Variants in CADM2 observed in about 807,000 individuals in gnomAD.
The protein encoded by CADM2 is cell adhesion molecule 2.
A neutral mutation model predicts 49.8 loss-of-function variants in CADM2; 12 were observed. The ratio of observed to expected loss-of-function variants is 0.24; its 90% CI spans 0.15 to 0.39. The LOEUF (loss-of-function observed/expected upper bound fraction) is 0.39. Ranked by LOEUF, CADM2 falls within the 10% of genes least tolerant of loss-of-function variation. The probability of loss-of-function intolerance (pLI) is 1.00; values close to 1 mark genes in which losing one functional copy is unlikely to be tolerated. For missense variants in CADM2, 378 were observed against 492.3 expected, an observed-to-expected ratio of 0.77 and a Z score of 2.20; for synonymous variants, 214 against 175.4, an observed-to-expected ratio of 1.22 and a Z score of -1.74.
chr3:84,971,954 G>C (rs1288371409), intron 1 of CADM2, among the ~76,000 whole-genome samples: 3 of 152,082 alleles, frequency 2.0e-5, no homozygotes, highest in African/African-American at 7.2e-5. Flanking sequence ...TGTGGAAGTG[G>C]TAGTGAGATT....
chr3:85,656,254 A>C (rs1016127682), intron 1 of CADM2, among the ~76,000 whole-genome samples: 2 of 152,134 alleles, frequency 1.3e-5, no homozygotes, highest in Non-Finnish European at 2.9e-5. Flanking sequence ...AAGTTGAATA[A>C]ATAAAATTCT....
At chr3:85,835,037 C>T (rs544215243) in intron 3 of CADM2, among the ~76,000 whole-genome samples, 368 of 151,656 alleles carry the variant, frequency 2.4e-3, no homozygotes, top group Non-Finnish European at 3.9e-3. Flanking sequence ...AGAAGTATGA[C>T]GGTCTCTTGA....
chr3:85,798,632 C>A (rs1423563749), intron 2 of CADM2, among the ~76,000 whole-genome samples: 1 of 152,130 alleles, frequency 6.6e-6, no homozygotes, highest in Non-Finnish European at 1.5e-5. Flanking sequence ...CTCTATATTT[C>A]TGTTTTGGTG....
chr3:85,520,854 G>A (rs1186560217), intron 1 of CADM2, among the ~76,000 whole-genome samples: 2 of 151,990 alleles, frequency 1.3e-5, no homozygotes, highest in Non-Finnish European at 2.9e-5. Flanking sequence ...GGGGTGGATT[G>A]TATTGTTTTT....
At chr3:85,425,012 A>AT (rs768630240) in intron 1 of CADM2, among the ~76,000 whole-genome samples, 1 of 152,228 alleles carries the variant, frequency 6.6e-6, no homozygotes, top group Non-Finnish European at 1.5e-5. Flanking sequence ...AAGTGCTGTA[A>AT]TAAAAAACTT....
intron 2 of CADM2, among the ~76,000 whole-genome samples, chr3:85,739,335 T>C (rs2068282613): frequency 6.6e-6 from 1 of 152,242 alleles, no homozygotes; most frequent in East Asian, 1.9e-4. Flanking sequence ...AAGTTTTAGA[T>C]GTCAATTATC....
intron 1 of CADM2, among the ~76,000 whole-genome samples, chr3:85,599,209 C>A (rs1444029869): frequency 2.0e-5 from 3 of 151,926 alleles, no homozygotes; most frequent in Admixed American, 1.3e-4. Flanking sequence ...ACCCTTTGAT[C>A]GATACCTTTT....
chr3:85,932,213 C>T (rs1720690079), intron 6 of CADM2, among the ~76,000 whole-genome samples: 1 of 151,944 alleles, frequency 6.6e-6, no homozygotes, highest in East Asian at 1.9e-4. Context: ...AACAAAGAAA[C>T]GAGGTATCGG....
intron 7 of CADM2, among the ~76,000 whole-genome samples, chr3:85,948,930 G>T (rs1461122647): frequency 2.0e-5 from 3 of 151,376 alleles, no homozygotes; most frequent in Non-Finnish European, 3.0e-5. Context: ...TATAAAGACG[G>T]ATAATAGAGC....
intron 1 of CADM2, among the ~76,000 whole-genome samples, chr3:85,536,459 T>A (rs908552809): frequency 1.9e-5 from 2 of 104,530 alleles, no homozygotes; most frequent in African/African-American, 2.5e-5. Context: ...AAATATAGTA[T>A]TGTTTTTTTC....
At chr3:85,159,274 G>A (rs1381846812) in intron 1 of CADM2, among the ~76,000 whole-genome samples, 2 of 149,730 alleles carry the variant, frequency 1.3e-5, no homozygotes. Context: ...AAACCACAGG[G>A]GTTGCAGGAG....
intron 2 of CADM2, among the ~76,000 whole-genome samples, chr3:85,773,512 T>C (rs180767540): frequency 1.1e-3 from 163 of 152,194 alleles, no homozygotes; most frequent in Admixed American, 2.4e-3. Flanking sequence ...ATAAAAAGTC[T>C]TTCACTTATT....
chr3:85,011,024 T>C (rs932565498), intron 1 of CADM2, among the ~76,000 whole-genome samples: 42 of 151,588 alleles, frequency 2.8e-4, no homozygotes, highest in African/African-American at 8.5e-4. Flanking sequence ...CCACCACGCC[T>C]GGCTAATTTT....
intron 2 of CADM2, among the ~76,000 whole-genome samples, chr3:85,776,470 A>G (rs1383512408): frequency 6.6e-6 from 1 of 151,976 alleles, no homozygotes; most frequent in Non-Finnish European, 1.5e-5. Flanking sequence ...AAAAACCCAT[A>G]CCTGTCATGT....
At chr3:85,534,169 G>C (rs964859066) in intron 1 of CADM2, among the ~76,000 whole-genome samples, 1 of 151,948 alleles carries the variant, frequency 6.6e-6, no homozygotes. Flanking sequence ...TGAAATTTGC[G>C]ATGTCTGATA....
At chr3:85,584,612 C>A (rs934363573) in intron 1 of CADM2, among the ~76,000 whole-genome samples, 1 of 151,934 alleles carries the variant, frequency 6.6e-6, no homozygotes, top group Non-Finnish European at 1.5e-5. Context: ...TGTACTTCCC[C>A]TTTTTTGTCC....
At chr3:85,654,144 G>T (rs2065131319) in intron 1 of CADM2, among the ~76,000 whole-genome samples, 1 of 152,144 alleles carries the variant, frequency 6.6e-6, no homozygotes, top group African/African-American at 2.4e-5. Context: ...TTATTTTGAG[G>T]CATATTTGCA....
chr3:85,849,315 G>A (rs933223343), intron 3 of CADM2, among the ~76,000 whole-genome samples: 1 of 152,080 alleles, frequency 6.6e-6, no homozygotes, highest in Non-Finnish European at 1.5e-5. Context: ...ACCTCATGAT[G>A]TTCTCCATTT....
intron 2 of CADM2, among the ~76,000 whole-genome samples, chr3:85,730,496 T>C (rs2067886314): frequency 1.3e-5 from 2 of 148,508 alleles, no homozygotes; most frequent in Non-Finnish European, 1.5e-5. Flanking sequence ...AATCTCATTC[T>C]TCAGAGCTTG....
Sources: allele counts gnomAD v4.1 joint callset (sites outside exome capture counted in the v4.1 genomes callset), GRCh38; gene constraint gnomAD v4.1.1; transcripts MANE v1.5; gene names NCBI Gene and HGNC (gene_info 2026-07-23, HGNC 2026-07-21).